AMZ2: variants seen among roughly 807,000 people sequenced by gnomAD.
AMZ2 encodes the protein archaelysin family metallopeptidase 2, also known as archaemetzincin-2.
AMZ2 carries 26 observed loss-of-function variants against 36.7 expected under a neutral mutation model. The ratio of observed to expected loss-of-function variants is 0.71; its 90% confidence interval spans 0.52 to 0.98. The LOEUF (loss-of-function observed/expected upper bound fraction) is 0.98. AMZ2 is among the 50% of genes least tolerant of loss of function. AMZ2 has a pLI of 0.00. For synonymous variants in AMZ2, 144 were observed against 149.1 expected, an observed-to-expected ratio of 0.97 and a Z score of 0.25; for missense variants, 394 against 430.5, an observed-to-expected ratio of 0.92 and a Z score of 0.75.
chr17:68,216,680 T>A (rs144167005), intron 1 of AMZ2, among the ~76,000 whole-genome samples: 229 of 152,344 alleles, frequency 1.5e-3, no homozygotes, highest in African/African-American at 4.9e-3. Flanking sequence ...AACCAATGCT[T>A]ATAACTCGAG....
chr17:68,224,230 A>C (rs560935489), intron 1 of AMZ2, among the ~76,000 whole-genome samples: 2 of 152,358 alleles, frequency 1.3e-5, no homozygotes, highest in South Asian at 4.1e-4. Flanking sequence ...GGCGTGAGCC[A>C]CTGTGCCCGC....
rs1487456615 is a variant in AMZ2, at chr17:68,248,063, G to T, written c.-643G>T. On this transcript the variant is annotated 5_prime_UTR_variant, in exon 1 of 7. Transcript: ENST00000359904. Reference sequence around the variant, plus strand: ...GGCGCAGTGCGAAGGGACGCGGTGCGCATGCGCGTGAGGGCTGCCGCGGGT... The same window carrying T: ...GGCGCAGTGCGAAGGGACGCGGTGCTCATGCGCGTGAGGGCTGCCGCGGGT... The T allele has an allele frequency of 1.0e-6, 1 of 986,328 alleles. No individual in the cohort carries two copies. 61.1% of individuals were successfully genotyped at this position (986,328 alleles called of 1,614,324 possible).
chr17:68,237,878 C>T (rs1568361716), intron 1 of AMZ2, among the ~76,000 whole-genome samples: 1 of 152,094 alleles, frequency 6.6e-6, no homozygotes, highest in African/African-American at 2.4e-5. Context: ...CTGTTCCCTC[C>T]CCCAGAAAGT....
intron 1 of AMZ2, among the ~76,000 whole-genome samples, chr17:68,209,879 C>G (rs1292414730): frequency 6.6e-6 from 1 of 151,764 alleles, no homozygotes; most frequent in Non-Finnish European, 1.5e-5. Context: ...CTTTGGCCCC[C>G]CAAAATGCTG....
chr17:68,218,961 A>G (rs1305335301), intron 1 of AMZ2, among the ~76,000 whole-genome samples: 1 of 152,100 alleles, frequency 6.6e-6, no homozygotes, highest in Admixed American at 6.6e-5. Context: ...AAAGTGGTCT[A>G]TATGTAACCC....
chr17:68,237,607 A>C (rs1245678231), intron 1 of AMZ2, among the ~76,000 whole-genome samples: 3 of 152,162 alleles, frequency 2.0e-5, no homozygotes, highest in African/African-American at 7.2e-5. Flanking sequence ...GGAGAAGTGT[A>C]TTTGAGACAA....
chr17:68,232,429 G>A (rs1555731482), intron 1 of AMZ2, among the ~76,000 whole-genome samples: 1 of 150,704 alleles, frequency 6.6e-6, no homozygotes, highest in African/African-American at 2.4e-5. Flanking sequence ...CTGGGAGTCT[G>A]AGGCTACAAT....
At chr17:68,253,426 T>C (rs2074641024) in intron 4 of AMZ2, among the ~76,000 whole-genome samples, 1 of 152,220 alleles carries the variant, frequency 6.6e-6, no homozygotes, top group African/African-American at 2.4e-5. Flanking sequence ...GTGAGTTATG[T>C]AGCAAACCGT....
intron 1 of AMZ2, among the ~76,000 whole-genome samples, chr17:68,232,511 A>G (rs1195774751): frequency 1.3e-5 from 2 of 151,602 alleles, no homozygotes; most frequent in South Asian, 2.1e-4. Context: ...AAAAAAAAAA[A>G]AGAGATTGAT....
At chr17:68,231,723 A>T (rs1436887786) in intron 1 of AMZ2, among the ~76,000 whole-genome samples, 4 of 151,954 alleles carry the variant, frequency 2.6e-5, no homozygotes, top group Non-Finnish European at 4.4e-5. Flanking sequence ...GAAACTGTGG[A>T]TAGGTTACAT....
chr17:68,240,774 A>T (rs879951940), intron 1 of AMZ2, among the ~76,000 whole-genome samples: 11 of 152,248 alleles, frequency 7.2e-5, no homozygotes, highest in Admixed American at 6.5e-4. Context: ...TGAACATCTC[A>T]GTAGCAACAT....
chr17:68,221,437 A>C (rs762455942), intron 1 of AMZ2, among the ~76,000 whole-genome samples: 1 of 152,090 alleles, frequency 6.6e-6, no homozygotes, highest in Non-Finnish European at 1.5e-5. Context: ...TGCGTCAGTA[A>C]GAAAGCCAGA....
intron 1 of AMZ2, among the ~76,000 whole-genome samples, chr17:68,208,617 C>T (rs1305124891): frequency 4.6e-5 from 7 of 152,226 alleles, no homozygotes; most frequent in Non-Finnish European, 1.0e-4. Context: ...GCAACCCATT[C>T]AGGTCCCATT....
chr17:68,238,012 A>G (rs1456878787), intron 1 of AMZ2, among the ~76,000 whole-genome samples: 2 of 152,074 alleles, frequency 1.3e-5, no homozygotes, highest in African/African-American at 4.8e-5. Flanking sequence ...TCTTATTCAG[A>G]CCATCTCCTC....
At position 68,256,879 on chromosome 17, in the gene AMZ2, C is replaced by G. The variant is rs150769254; in HGVS notation, c.993C>G (p.His331Gln). Residue 331 changes from histidine (H) to glutamine (Q), a missense_variant, in exon 7 of 7, where the codon CAC becomes CAG. By Grantham distance (24) the His-to-Gln change is conservative. Transcript: ENST00000359904. ...DTPGATPEHS[H>Q]EDNGNLPKPV... ...CTGGAGCAACTCCAGAACACAGTCA[C>G]GAGGATAATGGGAATTTACCGAAAC... 4 of 1,613,972 alleles carry G rather than the reference C, an allele frequency of 2.5e-6. No homozygotes were observed. The highest frequency in any genetic ancestry group is 3.4e-6 in the Non-Finnish European group (4 of 1,179,990).
chr17:68,235,444 C>T lies in AMZ2; in HGVS notation c.-66-13196C>T, dbSNP rs1313806409. Among the ~76,000 whole-genome samples, 17 of 152,178 alleles carry T rather than the reference C, an allele frequency of 1.1e-4. No homozygotes were observed. The highest frequency in any genetic ancestry group is 2.2e-4 in the Non-Finnish European group (15 of 68,028). On this transcript the variant is annotated intron_variant, in intron 1 of 7. Transcript: ENST00000674770. This position sits in a 1 kb window ranked among gnomAD's most constrained non-coding sequence, Gnocchi z 4.2. The stretch of plus-strand genomic sequence containing the variant: ...GTAAAGTGCCTTGGCTGAGGGCCAC[C>T]CAGGAGCTGGTGGTGCCTCAGCTGA...
At chr17:68,255,634 A>G in intron 5 of AMZ2, 66 bp from the exon 6 acceptor site, 2 of 1,512,180 alleles carry the variant, frequency 1.3e-6, no homozygotes, top group Non-Finnish European at 1.8e-6. Context: ...AAAAGCAAGA[A>G]AAAGAAGAGA....
Position 68,254,420 on chromosome 17 carries a change from C to T in AMZ2, c.603C>T (p.Ser201=). ...ASLTDGVGIF[S]FARYGSDFYS... Reference sequence around the variant, plus strand: ...TTTTTGTAGGTGTGGGGATATTCAGCTTTGCCAGGTATGGCAGTGATTTTT... The same window carrying T: ...TTTTTGTAGGTGTGGGGATATTCAGTTTTGCCAGGTATGGCAGTGATTTTT... Residue 201 remains serine, a synonymous_variant, in exon 5 of 7, where the codon AGC becomes AGT. Coordinates refer to ENST00000359904, the MANE Select transcript of AMZ2 (RefSeq NM_016627.5). 1 of 1,612,302 alleles carries T rather than the reference C, an allele frequency of 6.2e-7. No homozygotes were observed. Among genetic ancestry groups the T allele is most frequent in the Non-Finnish European group, 8.5e-7 (1 of 1,179,734 alleles).
chr17:68,250,109 A>C, intron 1 of AMZ2, 79 bp from the exon 2 acceptor site: 1 of 1,438,434 alleles, frequency 7.0e-7, no homozygotes, highest in Non-Finnish European at 9.4e-7. Flanking sequence ...GAGAAATCAG[A>C]GCTGAAATAT....
Sources: allele counts gnomAD v4.1 joint callset (sites outside exome capture counted in the v4.1 genomes callset), GRCh38; gene constraint gnomAD v4.1.1; non-coding constraint Gnocchi (gnomAD v3.1); transcripts MANE v1.5; gene names NCBI Gene and HGNC (gene_info 2026-07-23, HGNC 2026-07-21).